The following NSMCE2 variants were observed in gnomAD, a reference collection of about 807,000 sequenced individuals.
The protein encoded by NSMCE2 is E3 SUMO-protein ligase NSE2.
NSMCE2 carries 24 observed loss-of-function variants against 23.8 expected under a neutral mutation model. The observed-to-expected ratio is 1.01, with a 90% confidence interval of 0.73 to 1.42. The LOEUF (loss-of-function observed/expected upper bound fraction) is 1.42, where lower values mean the gene tolerates loss of function less well. Ranked by LOEUF, NSMCE2 falls within the 40% of genes most tolerant of loss-of-function variation. The pLI is 0.00. For missense variants in NSMCE2, 284 were observed against 296.5 expected, an observed-to-expected ratio of 0.96 and a Z score of 0.31; for synonymous variants, 92 against 94.1, an observed-to-expected ratio of 0.98 and a Z score of 0.13.
chr8:125,348,558 G>A (rs577741619), intron 5 of NSMCE2: 5 of 152,242 alleles, frequency 3.3e-5, no homozygotes, highest in African/African-American at 1.2e-4. Flanking sequence ...ATTCCCACGT[G>A]TTGTGAGAGG....
At chr8:125,320,836 A>C (rs1366651827) in intron 5 of NSMCE2, among the ~76,000 whole-genome samples, 1 of 152,234 alleles carries the variant, frequency 6.6e-6, no homozygotes, top group Non-Finnish European at 1.5e-5. Flanking sequence ...TTTCTAAAGC[A>C]GAGAGGTTTA....
At chr8:125,266,998 T>TCTTG (rs1242402565) in intron 5 of NSMCE2, among the ~76,000 whole-genome samples, 102 of 115,036 alleles carry the variant, frequency 8.9e-4, no homozygotes, top group African/African-American at 2.5e-3. Context: ...TTTTCTTTTT[T>TCTTG]CTTTCTTTTT....
chr8:125,262,861 G>A (rs965328587), intron 5 of NSMCE2, among the ~76,000 whole-genome samples: 1 of 152,150 alleles, frequency 6.6e-6, no homozygotes, highest in East Asian at 1.9e-4. Flanking sequence ...GAAGTCCCAG[G>A]TGTTATATAA....
At chr8:125,288,619 GGTT>G (rs1274184859) in intron 5 of NSMCE2, among the ~76,000 whole-genome samples, 1 of 151,956 alleles carries the variant, frequency 6.6e-6, no homozygotes, top group African/African-American at 2.4e-5. Context: ...CTCTCACTTT[GGTT>G]GTTGTTACTG....
intron 5 of NSMCE2, among the ~76,000 whole-genome samples, chr8:125,187,691 A>G (rs1823167047): frequency 6.6e-6 from 1 of 152,170 alleles, no homozygotes; most frequent in South Asian, 2.1e-4. Flanking sequence ...AATTGAGGGC[A>G]GTTGTCAAAG....
chr8:125,281,407 A>T lies in NSMCE2; in HGVS notation c.419-75812A>T, dbSNP rs547523045. Reference sequence around the variant, plus strand: ...TAAAATTTCAACACATTATACAGCAAGGTTGCCAGAGGAGATCACTGGGTG... The same window carrying T: ...TAAAATTTCAACACATTATACAGCATGGTTGCCAGAGGAGATCACTGGGTG... On this transcript the variant is annotated intron_variant, in intron 5 of 7. Coordinates refer to ENST00000287437, the MANE Select transcript of NSMCE2 (RefSeq NM_173685.4). Among the ~76,000 whole-genome samples, 14 of 152,284 alleles carry T rather than the reference A, an allele frequency of 9.2e-5. No homozygotes were observed. The East Asian group carries it at 1.4e-3, about 15-fold the overall frequency.
In NSMCE2 at chr8:125,170,376, C is replaced by CTTTTTTTTTTT. The variant is rs565593006; in HGVS notation, c.265-11698_265-11688dup. Reference sequence around the variant, plus strand: ...CATCAATAAACCTTACTCTTTATTTCTTTTTTTTTTTTTTTTTTTTTTTTT... The same window carrying CTTTTTTTTTTT: ...CATCAATAAACCTTACTCTTTATTTCTTTTTTTTTTTTTTTTTTTTTTTTTTTTTTTTTTTT... On this transcript the variant is annotated intron_variant, in intron 4 of 7. Coordinates refer to ENST00000287437, the MANE Select transcript of NSMCE2 (RefSeq NM_173685.4). Among the ~76,000 whole-genome samples, 57 of 37,864 alleles carry CTTTTTTTTTTT rather than the reference C, an allele frequency of 1.5e-3. 13 individuals are homozygous for CTTTTTTTTTTT. The highest frequency in any genetic ancestry group is 4.4e-3 in the Admixed American group (10 of 2,262). The allele number at this position is 37,864 out of a possible 152,430, so 24.8% of individuals were successfully genotyped here. A position where few individuals can be genotyped will look rare whatever the true frequency, so the allele number is the denominator to read the frequency against.
At chr8:125,110,774 T>G (rs955683173) in intron 3 of NSMCE2, among the ~76,000 whole-genome samples, 5 of 149,894 alleles carry the variant, frequency 3.3e-5, no homozygotes, top group African/African-American at 9.8e-5. Flanking sequence ...TTTTTTTTTT[T>G]TTTTTTTTTT....
At chr8:125,307,693 A>G (rs958427919) in intron 5 of NSMCE2, among the ~76,000 whole-genome samples, 6 of 152,194 alleles carry the variant, frequency 3.9e-5, no homozygotes, top group African/African-American at 1.4e-4. Flanking sequence ...AACTTCTTGA[A>G]CCTGCCTCTA....
chr8:125,359,266 C>CAAAA lies in NSMCE2; in HGVS notation c.626+1461_626+1464dup, dbSNP rs35823474. Among the ~76,000 whole-genome samples, 22 of 95,342 alleles carry CAAAA rather than the reference C, an allele frequency of 2.3e-4. No homozygotes were observed. The East Asian group carries it at 6.0e-3, about 26-fold the overall frequency. The allele number at this position is 95,342 out of a possible 152,430, so 62.5% of individuals were successfully genotyped here. The stretch of plus-strand genomic sequence containing the variant: ...GGGTCACAGAGTGATACTCTGTCTC[C>CAAAA]AAAAAAAAAAAAAAAAGAGGGAGGA... On this transcript the variant is annotated intron_variant, in intron 7 of 7. Transcript: ENST00000287437.
chr8:125,325,932 A>C (rs147462067), intron 5 of NSMCE2, among the ~76,000 whole-genome samples: 4,157 of 150,396 alleles, frequency 0.028, 182 homozygotes, highest in African/African-American at 0.096. Flanking sequence ...AGCCTGGGCA[A>C]CAAGAGTGAA....
chr8:125,164,275 T>TG (rs1156885838), intron 4 of NSMCE2, among the ~76,000 whole-genome samples: 1 of 152,190 alleles, frequency 6.6e-6, no homozygotes, highest in Non-Finnish European at 1.5e-5. Context: ...TTAAGGGACT[T>TG]GCGCAGATCA....
intron 5 of NSMCE2, among the ~76,000 whole-genome samples, chr8:125,254,003 C>G (rs1178135609): frequency 2.0e-5 from 3 of 152,118 alleles, no homozygotes; most frequent in African/African-American, 7.2e-5. Context: ...TAGAAGATAA[C>G]AAATATTTGT....
intron 1 of NSMCE2, among the ~76,000 whole-genome samples, chr8:125,093,422 C>T (rs528943474): frequency 3.8e-4 from 58 of 152,266 alleles, no homozygotes; most frequent in African/African-American, 1.3e-3. Context: ...GGCACAGTGG[C>T]TTATGCCTGT....
intron 3 of NSMCE2, among the ~76,000 whole-genome samples, chr8:125,149,842 G>A (rs191254263): frequency 1.3e-5 from 2 of 152,164 alleles, no homozygotes; most frequent in East Asian, 3.9e-4. Flanking sequence ...GGTATGTAAG[G>A]TTTTTTTGTT....
rs77286726 is a variant in NSMCE2, at chr8:125,362,101, G to A, written c.626+4283G>A. On this transcript the variant is annotated intron_variant, in intron 7 of 7. Coordinates refer to ENST00000287437, the MANE Select transcript of NSMCE2 (RefSeq NM_173685.4). ...AGTGCCTGGAGGTGGGGACCCAGCC[G>A]CTCCTGCGAGGCCTGAAGGGCTGAC... is the stretch of plus-strand genomic sequence containing the variant. Among the ~76,000 whole-genome samples, 787 of 152,326 alleles carry A rather than the reference G, an allele frequency of 5.2e-3. 5 individuals carry two copies. Among genetic ancestry groups the A allele is most frequent in the Non-Finnish European group, 8.3e-3 (562 of 68,034 alleles).
chr8:125,285,598 C>CTA (rs1341318019), intron 5 of NSMCE2, among the ~76,000 whole-genome samples: 1 of 152,070 alleles, frequency 6.6e-6, no homozygotes, highest in Non-Finnish European at 1.5e-5. Context: ...AACACTGTAC[C>CTA]TATAAAGCTC....
intron 5 of NSMCE2, among the ~76,000 whole-genome samples, chr8:125,333,224 C>T (rs919409510): frequency 2.0e-5 from 3 of 151,754 alleles, no homozygotes; most frequent in African/African-American, 7.3e-5. Context: ...GGCTGAAATA[C>T]AGTGGCACGA....
intron 5 of NSMCE2, among the ~76,000 whole-genome samples, chr8:125,239,859 T>C (rs1825700120): frequency 6.6e-6 from 1 of 152,134 alleles, no homozygotes; most frequent in Non-Finnish European, 1.5e-5. Context: ...GTATATAACC[T>C]GTGCTGTAAA....
Sources: gnomAD v4.1 joint callset for allele counts (sites outside exome capture counted in the v4.1 genomes callset) on GRCh38, gnomAD v4.1.1 for gene constraint, MANE v1.5 for transcripts, NCBI Gene and HGNC (gene_info 2026-07-23, HGNC 2026-07-21) for gene names.